MAPKAPK5: variants seen among roughly 807,000 people sequenced by gnomAD.
MAPKAPK5 encodes the protein MAP kinase-activated protein kinase 5.
In MAPKAPK5, 30 loss-of-function variants were observed where a neutral mutation model predicts 65.1. The ratio of observed to expected loss-of-function variants is 0.46; its 90% CI spans 0.34 to 0.63. The LOEUF is 0.63. Among genes scored for constraint, MAPKAPK5 ranks in the 20% least tolerant of loss-of-function variants. MAPKAPK5 has a pLI of 0.01. For synonymous variants in MAPKAPK5, 179 were observed against 204.6 expected (o/e 0.87, Z 1.07); for missense variants, 433 against 581.4 (o/e 0.74, Z 2.63).
Position 111,896,576 on chromosome 12 carries a change from A to C in MAPKAPK5, c.*3515A>C, listed in dbSNP as rs1271844210. The C allele has an allele frequency of 1.3e-5, 2 of 152,222 alleles. No homozygotes were observed. Among genetic ancestry groups the C allele is most frequent in the Admixed American group, 1.3e-4 (2 of 15,282 alleles). 9.4% of individuals were successfully genotyped at this position (152,222 alleles called of 1,614,324 possible). ...CTGGAAGTGAAACGATATCTTTCTC[A>C]TATTTTTTGGCCTAACAAACACCTA... On this transcript the variant is annotated 3_prime_UTR_variant, in exon 14 of 14. Coordinates refer to ENST00000550735, the MANE Select transcript of MAPKAPK5 (RefSeq NM_003668.4).
chr12:111,856,409 C>CTTTT (rs1241020966), intron 1 of MAPKAPK5, among the ~76,000 whole-genome samples: 3 of 129,734 alleles, frequency 2.3e-5, no homozygotes, highest in Non-Finnish European at 4.9e-5. Context: ...TTTTTTCTTT[C>CTTTT]TTTTTTTTTT....
chr12:111,867,545 T>C (rs1245457667), intron 3 of MAPKAPK5, 27 bp from the exon 4 acceptor site: 1 of 1,557,078 alleles, frequency 6.4e-7, no homozygotes, highest in African/African-American at 1.4e-5. Flanking sequence ...CCCTACCTAT[T>C]GATACATTTC....
At chr12:111,852,734 A>G (rs2069122820) in intron 1 of MAPKAPK5, among the ~76,000 whole-genome samples, 1 of 152,010 alleles carries the variant, frequency 6.6e-6, no homozygotes, top group Non-Finnish European at 1.5e-5. Context: ...AGTGTTTTCT[A>G]GTTTCCAGTG....
intron 1 of MAPKAPK5, chr12:111,843,570 T>C (rs1428567945): frequency 2.0e-5 from 6 of 296,986 alleles, no homozygotes; most frequent in African/African-American, 4.3e-5. Flanking sequence ...TTATTTGTAG[T>C]GTTAAGTCAG....
chr12:111,864,962 C>T (rs1459140203), intron 1 of MAPKAPK5, among the ~76,000 whole-genome samples: 1 of 152,136 alleles, frequency 6.6e-6, no homozygotes, highest in Non-Finnish European at 1.5e-5. Context: ...CTCTCAGAAC[C>T]CCCCAAAAGC....
chr12:111,878,143 A>C (rs1164214364), intron 7 of MAPKAPK5, among the ~76,000 whole-genome samples: 1 of 151,990 alleles, frequency 6.6e-6, no homozygotes, highest in Non-Finnish European at 1.5e-5. Flanking sequence ...AGGAGCAGAA[A>C]ATTCTAATTT....
At chr12:111,881,403 CTTTTT>C (rs61349417) in intron 8 of MAPKAPK5, among the ~76,000 whole-genome samples, 1 of 110,728 alleles carries the variant, frequency 9.0e-6, no homozygotes. Flanking sequence ...CTGTCTGTTC[CTTTTT>C]TTTTTTTTTT....
intron 12 of MAPKAPK5, chr12:111,889,349 C>A: frequency 4.3e-6 from 1 of 232,136 alleles, no homozygotes. Flanking sequence ...TGGGTAGGGT[C>A]TGAATCTCAT....
rs1365024503 is a variant in MAPKAPK5 at position 111,898,677 on chromosome 12, T to A, written c.*5616T>A. The A allele has an allele frequency of 1.3e-5, 2 of 152,132 alleles. No individual in the cohort carries two copies. Among genetic ancestry groups the A allele is most frequent in the African/African-American group, 4.8e-5 (2 of 41,422 alleles). The allele number at this position is 152,132 out of a possible 1,614,324, so 9.4% of individuals were successfully genotyped here. A position where few individuals can be genotyped will look rare whatever the true frequency, so the allele number is the denominator to read the frequency against. On this transcript the variant is annotated 3_prime_UTR_variant, in exon 14 of 14. Transcript: ENST00000550735. Reference sequence around the variant, plus strand: ...ACGATAATGAGGGAAAACTTGGACATCCACATACAGATTTTCTTGAATTAA... The same window carrying A: ...ACGATAATGAGGGAAAACTTGGACAACCACATACAGATTTTCTTGAATTAA...
intron 10 of MAPKAPK5, among the ~76,000 whole-genome samples, chr12:111,887,099 T>C (rs1436032497): frequency 6.6e-6 from 1 of 152,160 alleles, no homozygotes; most frequent in Non-Finnish European, 1.5e-5. Context: ...ATGAGATTTA[T>C]AGGGTGGGAC....
chr12:111,857,632 T>C (rs549042064), intron 1 of MAPKAPK5, among the ~76,000 whole-genome samples: 60 of 152,312 alleles, frequency 3.9e-4, no homozygotes, highest in African/African-American at 1.3e-3. Flanking sequence ...CCAAGTCTAC[T>C]AGCAGTGAAT....
intron 12 of MAPKAPK5, 106 bp from the exon 13 acceptor site, chr12:111,889,934 A>G: frequency 1.4e-6 from 1 of 699,360 alleles, no homozygotes; most frequent in East Asian, 2.7e-5. Flanking sequence ...TTGCACATTC[A>G]GTCAACATTT....
chr12:111,845,919 T>C (rs2068894619), intron 1 of MAPKAPK5, among the ~76,000 whole-genome samples: 1 of 152,112 alleles, frequency 6.6e-6, no homozygotes, highest in African/African-American at 2.4e-5. Flanking sequence ...TTAGACTCCT[T>C]CTCAAAAAAA....
chr12:111,854,188 G>T (rs993762961), intron 1 of MAPKAPK5, among the ~76,000 whole-genome samples: 1 of 151,548 alleles, frequency 6.6e-6, no homozygotes, highest in East Asian at 1.9e-4. Flanking sequence ...CCTCCTCTAT[G>T]GGATCATTAC....
At chr12:111,892,651 A>C (rs2070654123) in intron 13 of MAPKAPK5, among the ~76,000 whole-genome samples, 1 of 151,898 alleles carries the variant, frequency 6.6e-6, no homozygotes, top group Non-Finnish European at 1.5e-5. Context: ...TGTTTTTCTT[A>C]TAGATGTATA....
intron 1 of MAPKAPK5, chr12:111,843,401 C>CAAATAA: frequency 2.5e-6 from 1 of 395,210 alleles, no homozygotes; most frequent in Middle Eastern, 6.3e-4. Flanking sequence ...GAAAATTACA[C>CAAATAA]AAATAAAATA....
intron 1 of MAPKAPK5, among the ~76,000 whole-genome samples, chr12:111,859,361 C>T (rs983965441): frequency 2.7e-5 from 4 of 149,914 alleles, no homozygotes; most frequent in African/African-American, 9.8e-5. Flanking sequence ...TCATTGCAAC[C>T]TCCGCTTCCC....
rs758974838 is a variant in MAPKAPK5, at chr12:111,846,890, T to C, written c.36+4121T>C. 5.3e-5 allele frequency among the ~76,000 whole-genome samples: 8 copies of C among 152,318 alleles called. 1 individual carries two copies. The South Asian group carries it at 1.4e-3, about 28-fold the overall frequency. On this transcript the variant is annotated intron_variant, in intron 1 of 13. Coordinates refer to ENST00000550735, the MANE Select transcript of MAPKAPK5 (RefSeq NM_003668.4). ...ATGAATCATCCCAGCATGTTCACAC[T>C]GTATATGCTTCCTATCCTGTAGTTA... is the stretch of plus-strand genomic sequence containing the variant.
In MAPKAPK5 at chr12:111,883,823, C is replaced by A; in HGVS notation, c.848+55C>A. ...CCAAGGAGGCCTCCAGGTGGTGGAGCACAAGGGAATGTGGGTAGAGAAAAG... is the reference window on the plus strand; with the variant it reads ...CCAAGGAGGCCTCCAGGTGGTGGAGAACAAGGGAATGTGGGTAGAGAAAAG... On this transcript the variant is annotated intron_variant, in intron 9 of 13. Coordinates refer to ENST00000550735, the MANE Select transcript of MAPKAPK5 (RefSeq NM_003668.4). This position sits in a 1 kb window ranked among gnomAD's most constrained non-coding sequence, Gnocchi z 4.8. 1.9e-6 allele frequency: 3 copies of A among 1,558,322 alleles called. No homozygotes were observed. The highest frequency in any genetic ancestry group is 2.6e-6 in the Non-Finnish European group (3 of 1,149,816).
Sources: allele counts gnomAD v4.1 joint callset (sites outside exome capture counted in the v4.1 genomes callset), GRCh38; gene constraint gnomAD v4.1.1; non-coding constraint Gnocchi (gnomAD v3.1); transcripts MANE v1.5; gene names NCBI Gene and HGNC (gene_info 2026-07-23, HGNC 2026-07-21).